The following EDAR variants were observed in gnomAD, a reference collection of about 807,000 sequenced individuals.
EDAR encodes ectodysplasin A receptor, also known as tumor necrosis factor receptor superfamily member EDAR.
Under a neutral mutation model 51.3 loss-of-function variants are expected in EDAR, and 38 were observed. The observed-to-expected ratio is 0.74, with a 90% CI of 0.57 to 0.97. The LOEUF is 0.97. Ranked by LOEUF, EDAR falls within the 50% of genes least tolerant of loss-of-function variation. The probability of loss-of-function intolerance (pLI) is 0.00; values close to 1 mark genes in which losing one functional copy is unlikely to be tolerated. For missense variants in EDAR, 528 were observed against 595.0 expected (o/e 0.89, Z 1.17); for synonymous variants, 227 against 242.1 (o/e 0.94, Z 0.58).
At chr2:108,949,002 A>G (rs1697770804) in intron 1 of EDAR, among the ~76,000 whole-genome samples, 1 of 152,176 alleles carries the variant, frequency 6.6e-6, no homozygotes, top group Non-Finnish European at 1.5e-5. Flanking sequence ...TTTTAGGCAG[A>G]GTCTCACTCT....
intron 5 of EDAR, among the ~76,000 whole-genome samples, chr2:108,920,662 C>T (rs776427533): frequency 2.0e-5 from 3 of 152,188 alleles, no homozygotes; most frequent in Non-Finnish European, 2.9e-5. Flanking sequence ...CGCCTGTCCT[C>T]TTTGGTTTCC....
At chr2:108,934,358 C>G (rs1192429349) in intron 1 of EDAR, among the ~76,000 whole-genome samples, 1 of 152,112 alleles carries the variant, frequency 6.6e-6, no homozygotes, top group Non-Finnish European at 1.5e-5. Flanking sequence ...GTCGTGATCT[C>G]CTGTTTGTTT....
At chr2:108,928,438 C>T (rs1470852906) in intron 4 of EDAR, among the ~76,000 whole-genome samples, 4 of 152,170 alleles carry the variant, frequency 2.6e-5, no homozygotes, top group Non-Finnish European at 5.9e-5. Flanking sequence ...CCCCACTGGC[C>T]TCATCACTGC....
At chr2:108,978,392 A>C (rs1208914983) in intron 1 of EDAR, among the ~76,000 whole-genome samples, 3 of 152,214 alleles carry the variant, frequency 2.0e-5, no homozygotes, top group Admixed American at 6.5e-5. Context: ...CAGTAAAAAA[A>C]CAAAAATATC....
At chr2:108,979,133 G>A (rs1395120331) in intron 1 of EDAR, among the ~76,000 whole-genome samples, 1 of 152,190 alleles carries the variant, frequency 6.6e-6, no homozygotes, top group Non-Finnish European at 1.5e-5. Flanking sequence ...AGGATGCCAA[G>A]GCTGCCCCTC....
chr2:108,937,513 ATGTG>A (rs1249908576), intron 1 of EDAR, among the ~76,000 whole-genome samples: 1 of 151,954 alleles, frequency 6.6e-6, no homozygotes, highest in African/African-American at 2.4e-5. Flanking sequence ...GAATGTATGC[ATGTG>A]TAAGTGTAGG....
intron 11 of EDAR, among the ~76,000 whole-genome samples, chr2:108,903,938 TTTATAA>T (rs1558797562): frequency 6.6e-6 from 1 of 152,058 alleles, no homozygotes; most frequent in East Asian, 1.9e-4. Flanking sequence ...AAAAGAAAAC[TTTATAA>T]TTAGTTTCAT....
At chr2:108,915,418 G>A (rs1400917011) in intron 5 of EDAR, among the ~76,000 whole-genome samples, 1 of 152,206 alleles carries the variant, frequency 6.6e-6, no homozygotes, top group Non-Finnish European at 1.5e-5. Context: ...TTGGGCTTGG[G>A]AGGGACCAGG....
intron 1 of EDAR, among the ~76,000 whole-genome samples, chr2:108,984,311 G>C (rs1448971705): frequency 6.6e-6 from 1 of 152,178 alleles, no homozygotes; most frequent in African/African-American, 2.4e-5. Flanking sequence ...GGCATGGGAT[G>C]GGGTGGTGTG....
intron 3 of EDAR, 40 bp downstream of exon 3, chr2:108,930,080 C>T: frequency 1.9e-6 from 3 of 1,596,686 alleles, no homozygotes; most frequent in South Asian, 2.2e-5. Flanking sequence ...GGAGGCCTCC[C>T]CTGAGAGCGC....
chr2:108,894,977 A>G lies in EDAR; in HGVS notation c.*1930T>C, dbSNP rs1346223517. 12 of 152,206 alleles carry G rather than the reference A, an allele frequency of 7.9e-5. No homozygotes were observed. The highest frequency in any genetic ancestry group is 2.9e-4 in the African/African-American group (12 of 41,344). 9.4% of individuals were successfully genotyped at this position (152,206 alleles called of 1,614,324 possible). ...GCTGTTATCCTGGAATGGCACACTC[A>G]TCACAAGTGACATTTGCAGTCTAAT... On this transcript the variant is annotated 3_prime_UTR_variant, in exon 12 of 12. Coordinates refer to ENST00000258443, the MANE Select transcript of EDAR (RefSeq NM_022336.4).
At chr2:108,986,990 G>C (rs907032075) in intron 1 of EDAR, among the ~76,000 whole-genome samples, 1 of 152,162 alleles carries the variant, frequency 6.6e-6, no homozygotes, top group African/African-American at 2.4e-5. Flanking sequence ...TCAAAGGAAC[G>C]AGCAGGCAGG....
intron 1 of EDAR, among the ~76,000 whole-genome samples, chr2:108,985,679 A>G (rs1698486390): frequency 6.6e-6 from 1 of 152,114 alleles, no homozygotes; most frequent in African/African-American, 2.4e-5. Flanking sequence ...TGTGTTTGCC[A>G]CCCTTGGGCA....
At position 108,983,198 on chromosome 2, in the gene EDAR, G is replaced by T. The variant is rs1019353095; in HGVS notation, c.-19+5762C>A. On this transcript the variant is annotated intron_variant, in intron 1 of 11. Coordinates refer to ENST00000258443, the MANE Select transcript of EDAR (RefSeq NM_022336.4). Reference sequence around the variant, plus strand: ...GCATGTCAACAAACACATCCCCAAAGTGTACACTCTGATTTATCTTCTTCA... The same window carrying T: ...GCATGTCAACAAACACATCCCCAAATTGTACACTCTGATTTATCTTCTTCA... Among the ~76,000 whole-genome samples, 6 of 152,258 alleles carry T rather than the reference G, an allele frequency of 3.9e-5. No individual in the cohort carries two copies. In the East Asian group the frequency reaches 1.2e-3, roughly 29 times the overall value.
intron 1 of EDAR, among the ~76,000 whole-genome samples, chr2:108,986,959 T>C (rs1251608367): frequency 6.6e-6 from 1 of 152,164 alleles, no homozygotes; most frequent in Non-Finnish European, 1.5e-5. Context: ...GTGGAATACC[T>C]AGGCAGAGCC....
intron 6 of EDAR, 34 bp downstream of exon 6, chr2:108,912,644 C>A (rs1696948686): frequency 6.5e-7 from 1 of 1,533,700 alleles, no homozygotes; most frequent in African/African-American, 1.4e-5. Context: ...TACCACCTAA[C>A]TCCAGGTGAT....
chr2:108,901,914 G>T (rs1448369265), intron 11 of EDAR, among the ~76,000 whole-genome samples: 1 of 152,040 alleles, frequency 6.6e-6, no homozygotes, highest in Admixed American at 6.6e-5. Flanking sequence ...GACCAGTCTG[G>T]CCAAGATGGT....
In EDAR at chr2:108,894,892, A is replaced by ATT. The variant is rs921691592; in HGVS notation, c.*2014_*2015insAA. ...TAATAGTGTGAAATGAGGCCAAAGC[A>ATT]CCAGGAGCAGAGAACAGCCACCCCA... On this transcript the variant is annotated 3_prime_UTR_variant, in exon 12 of 12. Transcript: ENST00000258443. 3 of 152,196 alleles carry ATT rather than the reference A, an allele frequency of 2.0e-5. No homozygotes were observed. Among genetic ancestry groups the ATT allele is most frequent in the African/African-American group, 7.2e-5 (3 of 41,420 alleles). 9.4% of individuals were successfully genotyped at this position (152,196 alleles called of 1,614,324 possible). A position where few individuals can be genotyped will look rare whatever the true frequency, so the allele number is the denominator to read the frequency against.
At chr2:108,920,109 C>A (rs964940515) in intron 5 of EDAR, among the ~76,000 whole-genome samples, 10 of 152,254 alleles carry the variant, frequency 6.6e-5, no homozygotes, top group Non-Finnish European at 1.5e-4. Flanking sequence ...GTGCTGTCCA[C>A]ACCGCCAGTC....
Sources: allele counts gnomAD v4.1 joint callset (sites outside exome capture counted in the v4.1 genomes callset), GRCh38; gene constraint gnomAD v4.1.1; transcripts MANE v1.5; gene names NCBI Gene and HGNC (gene_info 2026-07-23, HGNC 2026-07-21).